The following FBXW7 variants were observed in gnomAD, a reference collection of about 807,000 sequenced individuals.
The protein encoded by FBXW7 is F-box/WD repeat-containing protein 7.
Under a neutral mutation model 86.3 loss-of-function variants are expected in FBXW7, and 11 were observed. That is an observed-to-expected ratio of 0.13 (90% CI 0.08 to 0.21). The LOEUF is 0.21. Ranked by LOEUF, FBXW7 falls within the 10% of genes least tolerant of loss-of-function variation. The pLI is 1.00. For synonymous variants in FBXW7, 313 were observed against 297.9 expected, an observed-to-expected ratio of 1.05 and a Z score of -0.52; for missense variants, 488 against 847.4, an observed-to-expected ratio of 0.58 and a Z score of 5.27.
chr4:152,365,042 C>T (rs1381169983), intron 4 of FBXW7, among the ~76,000 whole-genome samples: 1 of 152,134 alleles, frequency 6.6e-6, no homozygotes, highest in Non-Finnish European at 1.5e-5. Context: ...AGCAAAACTG[C>T]AACTGTGGTA....
At chr4:152,410,706 G>T (rs1276877207) in intron 4 of FBXW7, among the ~76,000 whole-genome samples, 1 of 152,096 alleles carries the variant, frequency 6.6e-6, no homozygotes, top group African/African-American at 2.4e-5. Flanking sequence ...AAGCAAGTAG[G>T]AGTAAGAGGA....
intron 4 of FBXW7, among the ~76,000 whole-genome samples, chr4:152,377,749 T>A (rs1734685606): frequency 1.4e-5 from 2 of 144,578 alleles, no homozygotes; most frequent in Admixed American, 6.9e-5. Flanking sequence ...AGGAAGAGTC[T>A]GTCTCAAAAA....
intron 4 of FBXW7, among the ~76,000 whole-genome samples, chr4:152,369,917 G>C (rs528455648): frequency 1.3e-5 from 2 of 152,002 alleles, no homozygotes; most frequent in Admixed American, 1.3e-4. Context: ...GTAAGAACAT[G>C]AACTGAAAGA....
At chr4:152,510,595 C>T (rs531438512) in intron 2 of FBXW7, among the ~76,000 whole-genome samples, 3 of 152,126 alleles carry the variant, frequency 2.0e-5, no homozygotes, top group African/African-American at 4.8e-5. Context: ...AAGCCTAATA[C>T]GGGGCAAGAG....
chr4:152,515,520 T>C (rs937261333), intron 2 of FBXW7, among the ~76,000 whole-genome samples: 6 of 152,224 alleles, frequency 3.9e-5, no homozygotes, highest in African/African-American at 1.4e-4. Flanking sequence ...CCCTGTACAC[T>C]TGCAAATTGG....
Position 152,332,734 on chromosome 4 carries a change from C to A in FBXW7, c.862-15G>T, listed in dbSNP as rs1184915941. ...TAGAGTGCCAACTAAGAAAAAAATG[C>A]ATAGTATAATACCCATATTTAAATA... is the stretch of plus-strand genomic sequence containing the variant. On this transcript the variant is annotated splice_polypyrimidine_tract_variant and intron_variant, in intron 7 of 13. Coordinates refer to ENST00000281708, the MANE Select transcript of FBXW7 (RefSeq NM_001349798.2). 1.3e-6 allele frequency: 2 copies of A among 1,514,560 alleles called. No individual in the cohort carries two copies. Among genetic ancestry groups the A allele is most frequent in the Non-Finnish European group, 1.8e-6 (2 of 1,115,532 alleles). The allele number at this position is 1,514,560 out of a possible 1,614,324, so 93.8% of individuals were successfully genotyped here.
At chr4:152,419,492 T>TAA (rs201536639) in intron 2 of FBXW7, among the ~76,000 whole-genome samples, 3,265 of 106,552 alleles carry the variant, frequency 0.031, 92 homozygotes, top group African/African-American at 0.095. Context: ...TAGGATAAGG[T>TAA]AAACACACAC....
intron 2 of FBXW7, among the ~76,000 whole-genome samples, chr4:152,500,805 A>T (rs1488454215): frequency 1.4e-4 from 21 of 152,236 alleles, no homozygotes; most frequent in Non-Finnish European, 1.5e-5. Context: ...GCAGCCAAAA[A>T]TATCACATGT....
At chr4:152,375,019 A>C (rs1734365131) in intron 4 of FBXW7, among the ~76,000 whole-genome samples, 1 of 152,148 alleles carries the variant, frequency 6.6e-6, no homozygotes, top group Admixed American at 6.6e-5. Flanking sequence ...TTAGTCATCA[A>C]GACATTTTAG....
chr4:152,530,791 G>A (rs1371607222), intron 2 of FBXW7: 1 of 152,228 alleles, frequency 6.6e-6, no homozygotes, highest in East Asian at 1.9e-4. Context: ...TTCGGCCTAT[G>A]GGCCAATTGG....
intron 2 of FBXW7, among the ~76,000 whole-genome samples, chr4:152,529,314 C>T (rs1749804242): frequency 6.6e-6 from 1 of 152,018 alleles, no homozygotes; most frequent in Non-Finnish European, 1.5e-5. Flanking sequence ...TAGTGACCTT[C>T]TAAAAGATGT....
chr4:152,336,818 T>C (rs1239861967), intron 7 of FBXW7, among the ~76,000 whole-genome samples: 4 of 152,074 alleles, frequency 2.6e-5, no homozygotes, highest in Non-Finnish European at 5.9e-5. Context: ...ATTTTATTCG[T>C]ATCCAACGTG....
intron 2 of FBXW7, among the ~76,000 whole-genome samples, chr4:152,518,533 G>A (rs2149725956): frequency 6.6e-6 from 1 of 152,172 alleles, no homozygotes; most frequent in Admixed American, 6.5e-5. Context: ...CCGGCCTAAA[G>A]CAATCCTTTT....
chr4:152,466,121 T>G (rs1202016556), intron 2 of FBXW7, among the ~76,000 whole-genome samples: 1 of 152,164 alleles, frequency 6.6e-6, no homozygotes, highest in African/African-American at 2.4e-5. Flanking sequence ...TGAAGACAAG[T>G]GACATTCCAC....
intron 4 of FBXW7, among the ~76,000 whole-genome samples, chr4:152,374,805 A>C (rs920733392): frequency 6.6e-6 from 1 of 151,984 alleles, no homozygotes; most frequent in African/African-American, 2.4e-5. Context: ...GAGAGAGGTA[A>C]GCTGGACCAT....
chr4:152,328,292 A>G lies in FBXW7; in HGVS notation c.1334T>C (p.Val445Ala). ...ACATTCTCCAGTCTCTGCATTCCAC[A>G]CTTTGAGTGTCCGATCTGTAGATCC... is the stretch of plus-strand genomic sequence containing the variant. The part of the protein sequence containing the change: ...ISGSTDRTLK[V>A]WNAETGECIH... Residue 445 changes from valine (V) to alanine (A), a missense_variant, in exon 11 of 14, where the codon GTG becomes GCG. This residue lies in a region of FBXW7 where 142 missense variants were observed against 406.6 expected (regional missense o/e 0.35). Coordinates refer to ENST00000281708, the MANE Select transcript of FBXW7 (RefSeq NM_001349798.2). The G allele has an allele frequency of 6.2e-7, 1 of 1,600,410 alleles. No homozygotes were observed. The highest frequency in any genetic ancestry group is 8.5e-7 in the Non-Finnish European group (1 of 1,174,266).
At chr4:152,500,460 C>G (rs1385241331) in intron 2 of FBXW7, among the ~76,000 whole-genome samples, 2 of 126,668 alleles carry the variant, frequency 1.6e-5, no homozygotes, top group Non-Finnish European at 3.1e-5. Flanking sequence ...TCACCCATTT[C>G]TGTACATATT....
intron 2 of FBXW7, among the ~76,000 whole-genome samples, chr4:152,452,253 TC>T (rs960088834): frequency 2.0e-5 from 3 of 152,178 alleles, no homozygotes; most frequent in Non-Finnish European, 4.4e-5. Context: ...CCCACATAAG[TC>T]AAAGCTTTTT....
intron 12 of FBXW7, 139 bp from the exon 13 acceptor site, chr4:152,324,533 G>T: frequency 1.5e-6 from 1 of 661,440 alleles, no homozygotes; most frequent in Non-Finnish European, 2.6e-6. Context: ...AGATAAAGTG[G>T]CAATGAGGAT....
Sources: allele counts gnomAD v4.1 joint callset (sites outside exome capture counted in the v4.1 genomes callset), GRCh38; gene constraint gnomAD v4.1.1; regional missense constraint gnomAD v4.1.1; transcripts MANE v1.5; gene names NCBI Gene and HGNC (gene_info 2026-07-23, HGNC 2026-07-21).